ITPKC: variants seen among roughly 807,000 people sequenced by gnomAD.
The protein encoded by ITPKC is IP3 3-kinase C.
In ITPKC, 33 loss-of-function variants were observed where a neutral mutation model predicts 67.1. That is an observed-to-expected ratio of 0.49 (90% CI 0.37 to 0.66). ITPKC has a LOEUF of 0.66. Among genes scored for constraint, ITPKC ranks in the 30% least tolerant of loss-of-function variants. The pLI is 0.00. For missense variants in ITPKC, 820 were observed against 892.1 expected (o/e 0.92, Z 1.03); for synonymous variants, 341 against 359.8 (o/e 0.95, Z 0.59).
At chr19:40,737,355 G>A (rs2082299349) in intron 5 of ITPKC, among the ~76,000 whole-genome samples, 1 of 152,256 alleles carries the variant, frequency 6.6e-6, no homozygotes, top group South Asian at 2.1e-4. Flanking sequence ...AGGGGGCCAA[G>A]AGAACAAGTA....
At chr19:40,738,909 T>C (rs779293391) in intron 6 of ITPKC, among the ~76,000 whole-genome samples, 1 of 152,068 alleles carries the variant, frequency 6.6e-6, no homozygotes, top group Non-Finnish European at 1.5e-5. Context: ...CCTAGGTGAC[T>C]AGTGGGTGGG....
intron 5 of ITPKC, among the ~76,000 whole-genome samples, chr19:40,737,361 A>G (rs527912871): frequency 6.6e-6 from 1 of 152,218 alleles, no homozygotes; most frequent in Non-Finnish European, 1.5e-5. Flanking sequence ...CCAAGAGAAC[A>G]AGTAAAAATG....
Position 40,740,540 on chromosome 19 carries a change from A to ACCCGGGGCTGCCAGCCAGGG in ITPKC, c.*983_*984insGGGGCTGCCAGCCAGGGCCC, listed in dbSNP as rs2082322826. 4.8e-6 allele frequency: 1 copy of ACCCGGGGCTGCCAGCCAGGG among 208,708 alleles called. No individual in the cohort carries two copies. Among genetic ancestry groups the ACCCGGGGCTGCCAGCCAGGG allele is most frequent in the East Asian group, 1.0e-4 (1 of 9,966 alleles). 12.9% of individuals were successfully genotyped at this position (208,708 alleles called of 1,614,324 possible). A position where few individuals can be genotyped will look rare whatever the true frequency, so the allele number is the denominator to read the frequency against. On this transcript the variant is annotated 3_prime_UTR_variant, in exon 7 of 7. Transcript: ENST00000263370. The stretch of plus-strand genomic sequence containing the variant: ...AGGGTGGGTGGGGCTGCCAGCCAGG[A>ACCCGGGGCTGCCAGCCAGGG]CCCTGGCCTGCAGCCTGATCCAAAC...
In ITPKC at chr19:40,739,647, C is replaced by T. The variant is rs899369330; in HGVS notation, c.*87C>T. The T allele has an allele frequency of 3.3e-5, 40 of 1,228,408 alleles. No individual in the cohort carries two copies. Among genetic ancestry groups the T allele is most frequent in the East Asian group, 3.0e-4 (12 of 39,538 alleles). 76.1% of individuals were successfully genotyped at this position (1,228,408 alleles called of 1,614,324 possible). A position where few individuals can be genotyped will look rare whatever the true frequency, so the allele number is the denominator to read the frequency against. ...GCCATGGGAGGCCTGAGGTTGGCCA[C>T]GGGGGAGCTGGCCTCCAGGGACGGG... On this transcript the variant is annotated 3_prime_UTR_variant, in exon 7 of 7. Transcript: ENST00000263370.
chr19:40,736,062 C>T (rs990705132), intron 4 of ITPKC, among the ~76,000 whole-genome samples: 2 of 152,124 alleles, frequency 1.3e-5, no homozygotes, highest in Admixed American at 6.5e-5. Flanking sequence ...GAGGCCAAGG[C>T]GGGCGGAGCA....
chr19:40,723,907 A>G (rs1220829912), intron 1 of ITPKC, among the ~76,000 whole-genome samples: 4 of 152,186 alleles, frequency 2.6e-5, no homozygotes, highest in Non-Finnish European at 5.9e-5. Flanking sequence ...AGAACAACAA[A>G]GGATTATTTT....
chr19:40,723,614 A>G (rs7260405), intron 1 of ITPKC, among the ~76,000 whole-genome samples: 69,128 of 151,758 alleles, frequency 0.46, 16,582 homozygotes, highest in South Asian at 0.58. Flanking sequence ...CTCATGCCTC[A>G]GCCTCCTGAG....
chr19:40,739,686 T>C lies in ITPKC; in HGVS notation c.*126T>C. 3 of 814,368 alleles carry C rather than the reference T, an allele frequency of 3.7e-6. No homozygotes were observed. Among genetic ancestry groups the C allele is most frequent in the Admixed American group, 2.6e-5 (1 of 38,742 alleles). 50.4% of individuals were successfully genotyped at this position (814,368 alleles called of 1,614,324 possible). A position where few individuals can be genotyped will look rare whatever the true frequency, so the allele number is the denominator to read the frequency against. ...TCCAGGGACGGGAGAGATTGTGTCA[T>C]GTGCCACACGAGACCAACGTGGAAA... On this transcript the variant is annotated 3_prime_UTR_variant, in exon 7 of 7. Coordinates refer to ENST00000263370, the MANE Select transcript of ITPKC (RefSeq NM_025194.3).
chr19:40,738,187 G>A (rs1338109318), intron 6 of ITPKC, among the ~76,000 whole-genome samples: 1 of 152,128 alleles, frequency 6.6e-6, no homozygotes, highest in African/African-American at 2.4e-5. Context: ...CCAGCACTTT[G>A]GGAGGCCGAG....
At chr19:40,729,828 C>T (rs2082262779) in intron 3 of ITPKC, among the ~76,000 whole-genome samples, 1 of 152,128 alleles carries the variant, frequency 6.6e-6, no homozygotes, top group Non-Finnish European at 1.5e-5. Flanking sequence ...GTGGTTGTAC[C>T]AGTGTACCTT....
intron 4 of ITPKC, among the ~76,000 whole-genome samples, chr19:40,735,511 C>T (rs1055125812): frequency 2.0e-5 from 3 of 151,938 alleles, no homozygotes; most frequent in East Asian, 3.9e-4. Flanking sequence ...TGGTCTCTTC[C>T]GTCTGTGCCC....
At chr19:40,736,269 G>A in intron 4 of ITPKC, among the ~76,000 whole-genome samples, 1 of 151,756 alleles carries the variant, frequency 6.6e-6, no homozygotes, top group East Asian at 1.9e-4. Context: ...CAGCCTGGGT[G>A]ACAGAGTGAG....
chr19:40,736,602 T>G (rs1394043019), intron 4 of ITPKC, among the ~76,000 whole-genome samples: 7 of 151,922 alleles, frequency 4.6e-5, no homozygotes, highest in African/African-American at 9.7e-5. Context: ...CTCCCGGGTT[T>G]AAGCGATTTT....
intron 1 of ITPKC, among the ~76,000 whole-genome samples, chr19:40,718,586 C>A (rs1338200928): frequency 1.1e-4 from 17 of 152,144 alleles, no homozygotes; most frequent in African/African-American, 2.2e-4. Flanking sequence ...AATTGTAGGA[C>A]TAAGGAGCCT....
At chr19:40,720,436 G>C (rs1333568873) in intron 1 of ITPKC, among the ~76,000 whole-genome samples, 2 of 152,020 alleles carry the variant, frequency 1.3e-5, no homozygotes, top group Non-Finnish European at 2.9e-5. Flanking sequence ...CTTTGCTTAG[G>C]GTTGGCCACG....
intron 6 of ITPKC, 24 bp downstream of exon 6, chr19:40,737,793 T>C: frequency 1.9e-6 from 3 of 1,595,048 alleles, no homozygotes; most frequent in Non-Finnish European, 2.6e-6. Flanking sequence ...CTTCCATGGG[T>C]GGATGTATGG....
chr19:40,732,812 T>C (rs1031018550), intron 3 of ITPKC, among the ~76,000 whole-genome samples: 2 of 152,210 alleles, frequency 1.3e-5, no homozygotes, highest in African/African-American at 2.4e-5. Context: ...ATGCAAATAT[T>C]ATGTTTTCTT....
chr19:40,732,967 T>C (rs185725311), intron 3 of ITPKC, among the ~76,000 whole-genome samples, 193 bp from the exon 4 acceptor site: 77 of 152,344 alleles, frequency 5.1e-4, no homozygotes, highest in African/African-American at 1.8e-3. Flanking sequence ...AGACTTCCCT[T>C]TCCCCACTGA....
chr19:40,728,625 A>G (rs927398335), intron 2 of ITPKC, among the ~76,000 whole-genome samples: 4 of 152,202 alleles, frequency 2.6e-5, no homozygotes, highest in Admixed American at 1.3e-4. Context: ...CATGTGTACA[A>G]TCAAAAATTA....
Sources: allele counts gnomAD v4.1 joint callset (sites outside exome capture counted in the v4.1 genomes callset), GRCh38; gene constraint gnomAD v4.1.1; transcripts MANE v1.5; gene names NCBI Gene and HGNC (gene_info 2026-07-23, HGNC 2026-07-21).